Variants in CSMD1 observed in about 807,000 individuals in gnomAD.
The protein encoded by CSMD1 is CUB and Sushi multiple domains 1, also known as CUB and sushi domain-containing protein 1.
CSMD1 carries 213 observed loss-of-function variants against 417.5 expected under a neutral mutation model. The observed-to-expected ratio is 0.51, with a 90% confidence interval of 0.46 to 0.57. The LOEUF (loss-of-function observed/expected upper bound fraction) is 0.57. Ranked by LOEUF, CSMD1 falls within the 20% of genes least tolerant of loss-of-function variation. The pLI, the probability that CSMD1 is intolerant of heterozygous loss-of-function variation, is 0.00. For synonymous variants in CSMD1, 2,862 were observed against 1,736.8 expected (o/e 1.65, Z -16.11); for missense variants, 6,923 against 4,529.7 (o/e 1.53, Z -15.17).
chr8:3,831,449 C>T (rs767539932), intron 5 of CSMD1, among the ~76,000 whole-genome samples: 12 of 152,094 alleles, frequency 7.9e-5, no homozygotes, highest in Non-Finnish European at 1.5e-4. Flanking sequence ...AGGAAACATC[C>T]AGGAGATTCC....
intron 1 of CSMD1, among the ~76,000 whole-genome samples, chr8:4,767,405 T>C (rs1263841980): frequency 1.3e-5 from 2 of 152,202 alleles, no homozygotes; most frequent in Admixed American, 1.3e-4. Flanking sequence ...CTGGTACCTG[T>C]GCACTATCAT....
intron 4 of CSMD1, among the ~76,000 whole-genome samples, chr8:4,011,772 A>T (rs887292197): frequency 2.4e-4 from 37 of 152,314 alleles, no homozygotes; most frequent in African/African-American, 8.4e-4. Context: ...CATCTTATAC[A>T]AGTGTAGTAT....
chr8:4,193,398 G>A (rs1478920838), intron 3 of CSMD1, among the ~76,000 whole-genome samples: 4 of 151,714 alleles, frequency 2.6e-5, no homozygotes, highest in Admixed American at 6.6e-5. Context: ...GAATATTCCT[G>A]GGCTTCCAAG....
chr8:4,839,774 G>T (rs1221779229), intron 1 of CSMD1, among the ~76,000 whole-genome samples: 1 of 152,100 alleles, frequency 6.6e-6, no homozygotes, highest in Non-Finnish European at 1.5e-5. Context: ...CCACAGAAAA[G>T]CATAAACAAC....
intron 12 of CSMD1, among the ~76,000 whole-genome samples, chr8:3,468,351 C>G (rs1816900529): frequency 6.6e-6 from 1 of 152,178 alleles, no homozygotes; most frequent in Admixed American, 6.5e-5. Flanking sequence ...TTCAGATTCA[C>G]TATATTGTCT....
At chr8:4,665,225 C>T (rs763720428) in intron 1 of CSMD1, among the ~76,000 whole-genome samples, 12 of 152,156 alleles carry the variant, frequency 7.9e-5, no homozygotes, top group African/African-American at 1.4e-4. Context: ...TGTTCTCCCA[C>T]GACCTTCCTC....
intron 1 of CSMD1, among the ~76,000 whole-genome samples, chr8:4,842,135 G>C (rs557865059): frequency 3.3e-5 from 5 of 152,234 alleles, no homozygotes; most frequent in African/African-American, 1.2e-4. Flanking sequence ...CAGCCAAACC[G>C]CCTTAGAACT....
chr8:3,041,688 A>G (rs1267129590), intron 50 of CSMD1, among the ~76,000 whole-genome samples: 1 of 152,236 alleles, frequency 6.6e-6, no homozygotes, highest in Non-Finnish European at 1.5e-5. Context: ...TCAAGTATAC[A>G]TTTAGAACTG....
chr8:3,068,107 T>A (rs11993906), intron 49 of CSMD1, among the ~76,000 whole-genome samples: 43,881 of 152,068 alleles, frequency 0.29, 7,109 homozygotes, highest in African/African-American at 0.44. Flanking sequence ...AATGCCTCAA[T>A]TATTTCAGAT....
chr8:4,780,286 G>C lies in CSMD1; in HGVS notation c.86-142728C>G, dbSNP rs534624903. ...GGCATGCTTTCTGAGCCCAGGCTTT[G>C]TCTCTGTATACTGCGCTATATAATG... On this transcript the variant is annotated intron_variant, in intron 1 of 69. Coordinates refer to ENST00000635120, the MANE Select transcript of CSMD1 (RefSeq NM_033225.6). Among the ~76,000 whole-genome samples, 28 of 152,286 alleles carry C rather than the reference G, an allele frequency of 1.8e-4. No homozygotes were observed. The South Asian group carries it at 5.4e-3, about 29-fold the overall frequency.
chr8:3,926,108 C>CACCAT (rs1563218369), intron 5 of CSMD1, among the ~76,000 whole-genome samples: 1 of 79,178 alleles, frequency 1.3e-5, no homozygotes, highest in South Asian at 3.3e-4. Context: ...CACACACACA[C>CACCAT]ACACACACAC....
chr8:3,168,238 C>G (rs1236014491), intron 37 of CSMD1, among the ~76,000 whole-genome samples: 1 of 152,060 alleles, frequency 6.6e-6, no homozygotes, highest in Non-Finnish European at 1.5e-5. Flanking sequence ...ACCATGAACA[C>G]TATGTGGAAC....
At chr8:3,396,411 A>C (rs1177809455) in intron 16 of CSMD1, 30 bp from the exon 17 acceptor site, 4 of 1,480,730 alleles carry the variant, frequency 2.7e-6, no homozygotes, top group Non-Finnish European at 3.6e-6. Flanking sequence ...ATCAGAAAAG[A>C]CATGCAGAAC....
intron 3 of CSMD1, among the ~76,000 whole-genome samples, chr8:4,124,069 T>A (rs745587806): frequency 6.6e-6 from 1 of 152,110 alleles, no homozygotes; most frequent in Non-Finnish European, 1.5e-5. Flanking sequence ...ACACACAGAC[T>A]TCTACGCACA....
At chr8:4,351,946 G>T (rs58009402) in intron 3 of CSMD1, among the ~76,000 whole-genome samples, 17,453 of 117,156 alleles carry the variant, frequency 0.15, 1,446 homozygotes, top group African/African-American at 0.27. Flanking sequence ...TTGCCTTTAT[G>T]CTATTTTTTT....
intron 57 of CSMD1, 85 bp downstream of exon 57, chr8:2,973,032 T>G: frequency 8.3e-6 from 11 of 1,320,918 alleles, no homozygotes; most frequent in Non-Finnish European, 1.1e-5. Context: ...ACCTCTAGAA[T>G]TTTTGTAGAA....
At chr8:4,554,096 T>C (rs1308294027) in intron 2 of CSMD1, among the ~76,000 whole-genome samples, 2 of 152,156 alleles carry the variant, frequency 1.3e-5, no homozygotes, top group South Asian at 2.1e-4. Flanking sequence ...TGTGTGTAAA[T>C]TCAACATATT....
intron 1 of CSMD1, among the ~76,000 whole-genome samples, chr8:4,770,372 T>C (rs987757441): frequency 1.3e-5 from 2 of 148,772 alleles, no homozygotes; most frequent in Non-Finnish European, 3.0e-5. Context: ...TATATATATA[T>C]GTAGTACGTA....
rs748552047 is a variant in CSMD1, at chr8:3,966,721, TCA to T, written c.818+31180_818+31181del. On this transcript the variant is annotated intron_variant, in intron 5 of 69. Coordinates refer to ENST00000635120, the MANE Select transcript of CSMD1 (RefSeq NM_033225.6). The stretch of plus-strand genomic sequence containing the variant: ...GCCATGCCTGGCAGGCTGCAGGCAT[TCA>T]CACACACAGACACACACACACACAC... Among the ~76,000 whole-genome samples, 42 of 134,280 alleles carry T rather than the reference TCA, an allele frequency of 3.1e-4. No homozygotes were observed. In the East Asian group the frequency reaches 8.8e-3, roughly 28 times the overall value. 88.1% of individuals were successfully genotyped at this position (134,280 alleles called of 152,430 possible).
Sources: allele counts gnomAD v4.1 joint callset (sites outside exome capture counted in the v4.1 genomes callset), GRCh38; gene constraint gnomAD v4.1.1; transcripts MANE v1.5; gene names NCBI Gene and HGNC (gene_info 2026-07-23, HGNC 2026-07-21).